ADAMTS3: variants seen among roughly 807,000 people sequenced by gnomAD.
ADAMTS3 encodes ADAM metallopeptidase with thrombospondin type 1 motif 3.
Under a neutral mutation model 129.0 loss-of-function variants are expected in ADAMTS3, and 73 were observed. The ratio of observed to expected loss-of-function variants is 0.57; its 90% CI spans 0.47 to 0.69. The LOEUF is 0.69. Ranked by LOEUF, ADAMTS3 falls within the 30% of genes least tolerant of loss-of-function variation. The probability of loss-of-function intolerance (pLI) is 0.00; values close to 1 mark genes in which losing one functional copy is unlikely to be tolerated. For synonymous variants in ADAMTS3, 477 were observed against 510.8 expected (o/e 0.93, Z 0.89); for missense variants, 1,457 against 1,514.5 (o/e 0.96, Z 0.63).
rs565994437 is a variant in ADAMTS3, at chr4:72,332,895, C to T, written c.861+6599G>A. Among the ~76,000 whole-genome samples the T allele has an allele frequency of 7.9e-5, 12 of 152,246 alleles. No individual in the cohort carries two copies. The South Asian group carries it at 2.3e-3, about 29-fold the overall frequency. On this transcript the variant is annotated intron_variant, in intron 5 of 21. Transcript: ENST00000286657. ...ACAGAAACAGATAAAGGAAAGACATCAGAGTTTTATCTAGCAAGAGATATA... is the reference window on the plus strand; with the variant it reads ...ACAGAAACAGATAAAGGAAAGACATTAGAGTTTTATCTAGCAAGAGATATA...
intron 3 of ADAMTS3, among the ~76,000 whole-genome samples, chr4:72,476,681 G>A (rs1006781256): frequency 2.0e-5 from 3 of 152,044 alleles, no homozygotes; most frequent in African/African-American, 7.2e-5. Flanking sequence ...AAGGGAGGGT[G>A]ATGAAAGAAA....
At chr4:72,439,318 T>C (rs1718049890) in intron 3 of ADAMTS3, among the ~76,000 whole-genome samples, 1 of 151,736 alleles carries the variant, frequency 6.6e-6, no homozygotes, top group Non-Finnish European at 1.5e-5. Context: ...AGAATTAGCT[T>C]ATTTTCTCAA....
At chr4:72,367,929 CAT>C (rs150308293) in intron 4 of ADAMTS3, among the ~76,000 whole-genome samples, 4,281 of 151,470 alleles carry the variant, frequency 0.028, 427 homozygotes, top group Admixed American at 0.2. Flanking sequence ...TTGTTACTCA[CAT>C]GTTTTTAACT....
intron 3 of ADAMTS3, among the ~76,000 whole-genome samples, chr4:72,445,132 C>T (rs925758370): frequency 6.6e-6 from 1 of 151,592 alleles, no homozygotes; most frequent in South Asian, 2.1e-4. Context: ...ATTTTGTTGA[C>T]AACTGCACAC....
chr4:72,527,944 CA>C, intron 3 of ADAMTS3, among the ~76,000 whole-genome samples: 1 of 152,234 alleles, frequency 6.6e-6, no homozygotes, highest in Admixed American at 6.5e-5. Context: ...CTCATCAGAG[CA>C]CCTACCACAT....
intron 3 of ADAMTS3, among the ~76,000 whole-genome samples, chr4:72,471,332 C>G (rs1213950185): frequency 6.6e-6 from 1 of 152,010 alleles, no homozygotes; most frequent in Non-Finnish European, 1.5e-5. Context: ...CTTCTAACTC[C>G]ATGACACAAT....
intron 3 of ADAMTS3, among the ~76,000 whole-genome samples, chr4:72,513,942 T>C (rs1050142053): frequency 6.6e-6 from 1 of 152,168 alleles, no homozygotes; most frequent in Non-Finnish European, 1.5e-5. Flanking sequence ...GTATTTGGTT[T>C]TCTATTTCTG....
At chr4:72,402,566 C>CT (rs1339403959) in intron 4 of ADAMTS3, among the ~76,000 whole-genome samples, 1 of 151,932 alleles carries the variant, frequency 6.6e-6, no homozygotes, top group Non-Finnish European at 1.5e-5. Context: ...CATGTTAGCT[C>CT]TTTTTTCCTT....
chr4:72,455,959 CTA>C (rs541824183), intron 3 of ADAMTS3, among the ~76,000 whole-genome samples: 9 of 62,280 alleles, frequency 1.4e-4, no homozygotes, highest in African/African-American at 6.6e-4. Flanking sequence ...AGTATATATA[CTA>C]TATATATTTT....
intron 3 of ADAMTS3, among the ~76,000 whole-genome samples, chr4:72,486,887 AG>A (rs1719604940): frequency 6.6e-6 from 1 of 152,144 alleles, no homozygotes. Flanking sequence ...TAGTTTAAAA[AG>A]GTAGAAGGGC....
chr4:72,387,763 T>G (rs1005199052), intron 4 of ADAMTS3, among the ~76,000 whole-genome samples: 1 of 152,188 alleles, frequency 6.6e-6, no homozygotes, highest in African/African-American at 2.4e-5. Context: ...ACATAAGTGG[T>G]GCTGGTCAAA....
At chr4:72,345,424 A>T (rs188538401) in intron 4 of ADAMTS3, among the ~76,000 whole-genome samples, 17 of 152,264 alleles carry the variant, frequency 1.1e-4, no homozygotes, top group East Asian at 1.9e-4. Context: ...ACATCTTTTT[A>T]AAAAAATTTA....
chr4:72,543,412 A>G (rs914434027), intron 3 of ADAMTS3, among the ~76,000 whole-genome samples: 2 of 152,160 alleles, frequency 1.3e-5, no homozygotes, highest in African/African-American at 4.8e-5. Context: ...ATATGTGTAC[A>G]CTCATGTTAA....
At chr4:72,534,805 C>A (rs565247654) in intron 3 of ADAMTS3, among the ~76,000 whole-genome samples, 11 of 151,846 alleles carry the variant, frequency 7.2e-5, no homozygotes, top group African/African-American at 2.4e-4. Context: ...AATTTTTTTT[C>A]CAAGCATAAC....
chr4:72,437,173 A>C (rs539463024), intron 3 of ADAMTS3, among the ~76,000 whole-genome samples: 2 of 151,980 alleles, frequency 1.3e-5, no homozygotes, highest in African/African-American at 2.4e-5. Flanking sequence ...TTCACACAAA[A>C]AATTACCAGT....
At chr4:72,354,572 G>T (rs534910497) in intron 4 of ADAMTS3, among the ~76,000 whole-genome samples, 3 of 151,954 alleles carry the variant, frequency 2.0e-5, no homozygotes, top group Admixed American at 2.0e-4. Flanking sequence ...GTAGTCCCTT[G>T]GGCAAATCAT....
At chr4:72,329,634 G>A (rs537709378) in intron 5 of ADAMTS3, among the ~76,000 whole-genome samples, 1 of 151,884 alleles carries the variant, frequency 6.6e-6, no homozygotes, top group Non-Finnish European at 1.5e-5. Context: ...TTGTCATGAT[G>A]GAAGCCCTGA....
At chr4:72,473,352 T>G (rs557829603) in intron 3 of ADAMTS3, among the ~76,000 whole-genome samples, 1 of 152,030 alleles carries the variant, frequency 6.6e-6, no homozygotes, top group Non-Finnish European at 1.5e-5. Context: ...TATCCCAGAT[T>G]TGCAGTGGAA....
chr4:72,459,807 G>A (rs1196841592), intron 3 of ADAMTS3, among the ~76,000 whole-genome samples: 2 of 151,454 alleles, frequency 1.3e-5, no homozygotes, highest in African/African-American at 2.4e-5. Context: ...TGGAATACTT[G>A]CATATATGTA....
Sources: allele counts gnomAD v4.1 joint callset (sites outside exome capture counted in the v4.1 genomes callset), GRCh38; gene constraint gnomAD v4.1.1; transcripts MANE v1.5; gene names NCBI Gene and HGNC (gene_info 2026-07-23, HGNC 2026-07-21).